PIAS1: variants seen among roughly 807,000 people sequenced by gnomAD.
PIAS1 encodes E3 SUMO-protein ligase PIAS1.
A neutral mutation model predicts 71.3 loss-of-function variants in PIAS1; 6 were observed. That is an observed-to-expected ratio of 0.08 (90% CI 0.05 to 0.17). PIAS1 has a LOEUF of 0.17. PIAS1 is among the 10% of genes least tolerant of loss of function. The probability of loss-of-function intolerance (pLI) is 1.00; values close to 1 mark genes in which losing one functional copy is unlikely to be tolerated. For missense variants in PIAS1, 555 were observed against 793.6 expected (o/e 0.70, Z 3.61); for synonymous variants, 303 against 292.9 (o/e 1.03, Z -0.35).
chr15:68,182,889 T>A (rs1299517122), intron 12 of PIAS1, among the ~76,000 whole-genome samples: 1 of 152,256 alleles, frequency 6.6e-6, no homozygotes, highest in Non-Finnish European at 1.5e-5. Context: ...TGTGGTGTTG[T>A]AATATATTTA....
rs749548641 is a variant in PIAS1, at chr15:68,181,318, C to T, written c.1588C>T (p.Pro530Ser). 1 of 1,613,754 alleles carries T rather than the reference C, an allele frequency of 6.2e-7. No individual in the cohort carries two copies. Among genetic ancestry groups the T allele is most frequent in the Admixed American group, 1.7e-5 (1 of 60,024 alleles). ...CTCCCTCATCCAAGACTATAGGCAT[C>T]CTTTCCACATGACACCCATGCCTTA... Reference protein sequence around the residue: ...NTSLIQDYRHPFHMTPMPYDL... With the variant: ...NTSLIQDYRHSFHMTPMPYDL... Residue 530 changes from proline to serine, a missense_variant, in exon 12 of 14, where the codon CCT becomes TCT. Pro to Ser is a moderately conservative substitution (Grantham distance 74). This residue lies in a region of PIAS1 where 244 missense variants were observed against 307.5 expected (regional missense o/e 0.79). Transcript: ENST00000249636.
chr15:68,089,251 A>G (rs1403921545), intron 2 of PIAS1, among the ~76,000 whole-genome samples: 2 of 152,224 alleles, frequency 1.3e-5, no homozygotes, highest in Middle Eastern at 3.2e-3. Context: ...CTTTAAAACA[A>G]TTTAAAATAA....
At chr15:68,060,082 A>C (rs1011600274) in intron 1 of PIAS1, among the ~76,000 whole-genome samples, 1 of 152,212 alleles carries the variant, frequency 6.6e-6, no homozygotes, top group African/African-American at 2.4e-5. Flanking sequence ...TTACTTCAGC[A>C]TCAGAATGTT....
At position 68,074,951 on chromosome 15, in the gene PIAS1, T is replaced by A. The variant is rs1346276180; in HGVS notation, c.25-11355T>A. Reference sequence around the variant, plus strand: ...GCCTCAGAGTTTTGTGAGTAGCTCATTTTCCTTTTCCATAAATTTCACGAA... The same window carrying A: ...GCCTCAGAGTTTTGTGAGTAGCTCAATTTCCTTTTCCATAAATTTCACGAA... On this transcript the variant is annotated intron_variant, in intron 1 of 13. Coordinates refer to ENST00000249636, the MANE Select transcript of PIAS1 (RefSeq NM_016166.3). 3.9e-5 allele frequency among the ~76,000 whole-genome samples: 6 copies of A among 152,090 alleles called. No homozygotes were observed. The East Asian group carries it at 1.2e-3, about 29-fold the overall frequency.
In PIAS1 at chr15:68,188,210, A is replaced by G. The variant is rs1277568500; in HGVS notation, c.*375A>G. On this transcript the variant is annotated 3_prime_UTR_variant, in exon 14 of 14. Transcript: ENST00000249636. ...ACTTCGATGGCATTATTTTATTTGCAATAACAGAAAAGGAATTGCATGTAT... is the reference window on the plus strand; with the variant it reads ...ACTTCGATGGCATTATTTTATTTGCGATAACAGAAAAGGAATTGCATGTAT... 2 of 161,968 alleles carry G rather than the reference A, an allele frequency of 1.2e-5. No individual in the cohort carries two copies. The highest frequency in any genetic ancestry group is 2.7e-5 in the Non-Finnish European group (2 of 73,670). 10.0% of individuals were successfully genotyped at this position (161,968 alleles called of 1,614,324 possible).
Position 68,054,364 on chromosome 15 carries a change from C to G in PIAS1, c.24+14C>G, listed in dbSNP as rs549343501. 30 of 1,570,322 alleles carry G rather than the reference C, an allele frequency of 1.9e-5. No homozygotes were observed. The highest frequency in any genetic ancestry group is 9.3e-5 in the Admixed American group (5 of 54,004). ...GCGGAACTAAAGGTAAAGCGCAGCT[C>G]GAATTCACTTCTAATATTCGGCCGC... On this transcript the variant is annotated intron_variant, in intron 1 of 13. Transcript: ENST00000249636. The surrounding 1 kb of genome is among the most constrained non-coding windows in gnomAD (Gnocchi z 4.6).
intron 1 of PIAS1, among the ~76,000 whole-genome samples, chr15:68,065,142 G>C (rs2092003464): frequency 6.6e-6 from 1 of 151,926 alleles, no homozygotes; most frequent in Non-Finnish European, 1.5e-5. Flanking sequence ...TTTTTTGCGG[G>C]GGGGATGGTC....
intron 2 of PIAS1, among the ~76,000 whole-genome samples, chr15:68,103,603 A>G (rs1048444621): frequency 1.3e-5 from 2 of 152,130 alleles, no homozygotes; most frequent in African/African-American, 4.8e-5. Context: ...CCCATTATCA[A>G]TCACTCTTTA....
intron 2 of PIAS1, among the ~76,000 whole-genome samples, chr15:68,122,996 T>G (rs542575454): frequency 2.6e-5 from 4 of 152,026 alleles, no homozygotes; most frequent in South Asian, 4.2e-4. Flanking sequence ...AAAAGCTGTT[T>G]TTTTTTTTTT....
intron 1 of PIAS1, among the ~76,000 whole-genome samples, chr15:68,080,012 G>A (rs12913033): frequency 0.99 from 151,161 of 152,104 alleles, 75,122 homozygotes; most frequent in Middle Eastern, 1. Flanking sequence ...TTGTATTTTT[G>A]GTAGAGATGG....
intron 1 of PIAS1, among the ~76,000 whole-genome samples, chr15:68,085,569 A>G (rs1439023886): frequency 1.3e-5 from 2 of 152,192 alleles, no homozygotes; most frequent in Non-Finnish European, 2.9e-5. Flanking sequence ...TGGAAAGAGC[A>G]TGGGCTTTAG....
chr15:68,093,646 G>C (rs2092351212), intron 2 of PIAS1, among the ~76,000 whole-genome samples: 1 of 152,188 alleles, frequency 6.6e-6, no homozygotes, highest in African/African-American at 2.4e-5. Flanking sequence ...AGTTTTAAAA[G>C]AAATCATTTA....
At chr15:68,113,159 T>A (rs544028669) in intron 2 of PIAS1, among the ~76,000 whole-genome samples, 22 of 152,256 alleles carry the variant, frequency 1.4e-4, no homozygotes, top group African/African-American at 5.1e-4. Context: ...CAATGCAAAT[T>A]TTGTGGGGAA....
intron 1 of PIAS1, among the ~76,000 whole-genome samples, chr15:68,061,700 A>G (rs2140954330): frequency 6.6e-6 from 1 of 152,306 alleles, no homozygotes; most frequent in South Asian, 2.1e-4. Context: ...TGCCGGGTTA[A>G]TTTCACCAAA....
At chr15:68,160,511 A>G (rs545778701) in intron 7 of PIAS1, among the ~76,000 whole-genome samples, 4 of 152,254 alleles carry the variant, frequency 2.6e-5, no homozygotes, top group Non-Finnish European at 5.9e-5. Flanking sequence ...CCGTAGCTTG[A>G]TAGTAAGTCT....
chr15:68,072,172 G>A (rs900634386), intron 1 of PIAS1, among the ~76,000 whole-genome samples: 4 of 151,794 alleles, frequency 2.6e-5, no homozygotes, highest in Admixed American at 2.6e-4. Flanking sequence ...GCTGAGATGG[G>A]CGGATCATGA....
At position 68,095,981 on chromosome 15, in the gene PIAS1, T is replaced by TTACA. The variant is rs10671613; in HGVS notation, c.469+9232_469+9235dup. Among the ~76,000 whole-genome samples the TTACA allele has an allele frequency of 6.2e-3, 941 of 152,282 alleles. 10 individuals carry two copies. Among genetic ancestry groups the TTACA allele is most frequent in the African/African-American group, 0.022 (897 of 41,550 alleles). On this transcript the variant is annotated intron_variant, in intron 2 of 13. Transcript: ENST00000249636. ...TTTAGATGTGCCAAAGATGGAGATA[T>TTACA]TACAGTACAAAAGAAACCGAATGTT...
chr15:68,165,441 T>C (rs2092951760), intron 8 of PIAS1, among the ~76,000 whole-genome samples: 1 of 152,208 alleles, frequency 6.6e-6, no homozygotes, highest in Non-Finnish European at 1.5e-5. Flanking sequence ...CTTAAGATAG[T>C]ACCTTTCTGA....
chr15:68,135,664 G>GA (rs2092727344), intron 2 of PIAS1, among the ~76,000 whole-genome samples: 1 of 69,126 alleles, frequency 1.4e-5, no homozygotes, highest in African/African-American at 3.8e-5. Context: ...CTGGCCTGGC[G>GA]GGGGCTGACC....
Sources: allele counts gnomAD v4.1 joint callset (sites outside exome capture counted in the v4.1 genomes callset), GRCh38; gene constraint gnomAD v4.1.1; regional missense constraint gnomAD v4.1.1; non-coding constraint Gnocchi (gnomAD v3.1); transcripts MANE v1.5; gene names NCBI Gene and HGNC (gene_info 2026-07-23, HGNC 2026-07-21).